The following CCDC91 variants were observed in gnomAD, a reference collection of about 807,000 sequenced individuals.
CCDC91 encodes the protein coiled-coil domain-containing protein 91.
CCDC91 carries 48 observed loss-of-function variants against 63.2 expected under a neutral mutation model. That is an observed-to-expected ratio of 0.76 (90% CI 0.60 to 0.97). The LOEUF (loss-of-function observed/expected upper bound fraction) is 0.97. CCDC91 is among the 50% of genes least tolerant of loss of function. CCDC91 has a pLI of 0.00. For missense variants in CCDC91, 500 were observed against 494.6 expected (o/e 1.01, Z -0.10); for synonymous variants, 167 against 165.8 (o/e 1.01, Z -0.06).
chr12:28,415,795 C>T (rs2139808993), intron 8 of CCDC91, among the ~76,000 whole-genome samples: 1 of 151,854 alleles, frequency 6.6e-6, no homozygotes, highest in South Asian at 2.1e-4. Context: ...ATATAGGAGA[C>T]ATGATTTTAA....
chr12:28,250,352 C>T (rs544913113), intron 1 of CCDC91, among the ~76,000 whole-genome samples: 7 of 152,196 alleles, frequency 4.6e-5, no homozygotes, highest in Admixed American at 3.9e-4. Flanking sequence ...AATAAATTTA[C>T]ACCTCAGTTT....
At chr12:28,395,208 C>G (rs1472417215) in intron 8 of CCDC91, among the ~76,000 whole-genome samples, 2 of 152,296 alleles carry the variant, frequency 1.3e-5, no homozygotes, top group East Asian at 3.9e-4. Flanking sequence ...TTCCTCTGTA[C>G]TGTTTCAACT....
chr12:28,488,196 A>G lies in CCDC91; in HGVS notation c.1215+4031A>G, dbSNP rs140421218. Among the ~76,000 whole-genome samples the G allele has an allele frequency of 3.9e-5, 6 of 151,948 alleles. No individual in the cohort carries two copies. The East Asian group carries it at 7.7e-4, about 20-fold the overall frequency. ...TTTTAAATGCTATTTACCAATTTTT[A>G]TGTGTGAAATCAATAGAGATGTCAC... On this transcript the variant is annotated intron_variant, in intron 12 of 12. Transcript: ENST00000536442.
intron 12 of CCDC91, among the ~76,000 whole-genome samples, chr12:28,532,811 CG>C (rs1437111515): frequency 6.6e-6 from 1 of 151,980 alleles, no homozygotes; most frequent in African/African-American, 2.4e-5. Flanking sequence ...AATTTGAGAA[CG>C]GTATCAAGGA....
intron 1 of CCDC91, among the ~76,000 whole-genome samples, chr12:28,237,229 T>TACACACACAC (rs1354315062): frequency 1.3e-4 from 3 of 23,256 alleles, no homozygotes; most frequent in South Asian, 2.2e-3. Context: ...ACATGTGTAT[T>TACACACACAC]ACACATACAC....
At chr12:28,371,811 A>G (rs1592463945) in intron 7 of CCDC91, among the ~76,000 whole-genome samples, 1 of 152,182 alleles carries the variant, frequency 6.6e-6, no homozygotes, top group East Asian at 1.9e-4. Context: ...CGTATCCTAA[A>G]TGGTCCTGGA....
intron 1 of CCDC91, among the ~76,000 whole-genome samples, chr12:28,249,044 TA>T (rs1424287029): frequency 6.6e-6 from 1 of 152,164 alleles, no homozygotes; most frequent in Non-Finnish European, 1.5e-5. Flanking sequence ...GGACTTCTCT[TA>T]AAATGCCTTC....
chr12:28,304,762 T>G (rs547460682), intron 3 of CCDC91: 6 of 619,536 alleles, frequency 9.7e-6, no homozygotes, highest in Non-Finnish European at 1.5e-5. Context: ...CACCAAAAAG[T>G]GACTCACTTT....
At chr12:28,486,002 G>A (rs1951705199) in intron 12 of CCDC91, among the ~76,000 whole-genome samples, 4 of 152,114 alleles carry the variant, frequency 2.6e-5, no homozygotes, top group Admixed American at 2.6e-4. Context: ...CACTTAACAT[G>A]AGTTCTTCCT....
chr12:28,498,859 A>C (rs1044680703), intron 12 of CCDC91, among the ~76,000 whole-genome samples: 11 of 151,686 alleles, frequency 7.3e-5, no homozygotes, highest in Non-Finnish European at 1.0e-4. Flanking sequence ...AATTCTTGTT[A>C]ATTATCTTTT....
At chr12:28,458,912 T>G (rs1192021950) in intron 11 of CCDC91, among the ~76,000 whole-genome samples, 1 of 152,176 alleles carries the variant, frequency 6.6e-6, no homozygotes, top group Admixed American at 6.5e-5. Flanking sequence ...GATATCATTC[T>G]CCCACTTTAA....
intron 12 of CCDC91, among the ~76,000 whole-genome samples, chr12:28,507,904 A>C (rs1938928425): frequency 1.3e-5 from 2 of 151,856 alleles, no homozygotes; most frequent in East Asian, 3.9e-4. Context: ...TCCCTTAAGG[A>C]GCTCTGGAGC....
chr12:28,501,636 A>G (rs1356416412), intron 12 of CCDC91, among the ~76,000 whole-genome samples: 1 of 151,402 alleles, frequency 6.6e-6, no homozygotes. Flanking sequence ...TTTTTGCATC[A>G]ATGTTCATCA....
chr12:28,228,354 A>C (rs1019373585), intron 1 of CCDC91, among the ~76,000 whole-genome samples: 3 of 152,126 alleles, frequency 2.0e-5, no homozygotes, highest in African/African-American at 7.2e-5. Flanking sequence ...TATATTGTGT[A>C]CTATATATAC....
At chr12:28,498,885 T>C (rs1952461090) in intron 12 of CCDC91, among the ~76,000 whole-genome samples, 2 of 151,668 alleles carry the variant, frequency 1.3e-5, no homozygotes, top group African/African-American at 4.8e-5. Context: ...TACTATAAAA[T>C]ATAAGCTCTA....
At chr12:28,452,343 A>C in intron 10 of CCDC91, 135 bp from the exon 11 acceptor site, 2 of 495,814 alleles carry the variant, frequency 4.0e-6, no homozygotes, top group Non-Finnish European at 7.2e-6. Flanking sequence ...GTTATTTACT[A>C]TGCATAAAAA....
At chr12:28,486,221 A>G (rs1238222017) in intron 12 of CCDC91, among the ~76,000 whole-genome samples, 1 of 152,202 alleles carries the variant, frequency 6.6e-6, no homozygotes, top group Admixed American at 6.6e-5. Context: ...GTATAAGTGA[A>G]ACCATGCAGT....
intron 6 of CCDC91, among the ~76,000 whole-genome samples, chr12:28,327,836 G>A (rs774442875): frequency 6.6e-6 from 1 of 152,126 alleles, no homozygotes; most frequent in African/African-American, 2.4e-5. Flanking sequence ...CAGAGGCCAA[G>A]TGAGCTGCCA....
At chr12:28,335,028 T>A (rs1024089357) in intron 6 of CCDC91, among the ~76,000 whole-genome samples, 3 of 146,200 alleles carry the variant, frequency 2.1e-5, no homozygotes, top group African/African-American at 7.5e-5. Context: ...TATATAAAAA[T>A]ATATAAAATA....
Sources: allele counts gnomAD v4.1 joint callset (sites outside exome capture counted in the v4.1 genomes callset), GRCh38; gene constraint gnomAD v4.1.1; transcripts MANE v1.5; gene names NCBI Gene and HGNC (gene_info 2026-07-23, HGNC 2026-07-21).